Variants in TAFA4 observed in about 807,000 individuals in gnomAD.
The protein encoded by TAFA4 is chemokine-like protein TAFA-4.
Under a neutral mutation model 21.1 loss-of-function variants are expected in TAFA4, and 20 were observed. The ratio of observed to expected loss-of-function variants is 0.95; its 90% CI spans 0.67 to 1.38. The LOEUF (loss-of-function observed/expected upper bound fraction) is 1.38. Among genes scored for constraint, TAFA4 ranks in the 40% most tolerant of loss-of-function variants. The pLI, the probability that TAFA4 is intolerant of heterozygous loss-of-function variation, is 0.00. For synonymous variants in TAFA4, 71 were observed against 67.4 expected (o/e 1.05, Z -0.26); for missense variants, 211 against 180.9 (o/e 1.17, Z -0.95).
At chr3:68,870,291 T>C (rs2089467876) in intron 3 of TAFA4, among the ~76,000 whole-genome samples, 1 of 152,102 alleles carries the variant, frequency 6.6e-6, no homozygotes, top group Admixed American at 6.6e-5. Flanking sequence ...GGTCTATAGA[T>C]TCAATGCAAT....
chr3:68,836,572 T>C (rs1704527464), intron 3 of TAFA4, among the ~76,000 whole-genome samples: 1 of 152,218 alleles, frequency 6.6e-6, no homozygotes, highest in Non-Finnish European at 1.5e-5. Flanking sequence ...AAAATAACCA[T>C]TCATTCAATA....
intron 3 of TAFA4, among the ~76,000 whole-genome samples, chr3:68,842,339 T>C (rs1444450725): frequency 3.3e-5 from 5 of 152,046 alleles, no homozygotes; most frequent in Admixed American, 2.6e-4. Context: ...GCCACATCAA[T>C]GTCTTCTTTT....
At chr3:68,853,708 A>G (rs1216346605) in intron 3 of TAFA4, among the ~76,000 whole-genome samples, 1 of 152,210 alleles carries the variant, frequency 6.6e-6, no homozygotes, top group East Asian at 1.9e-4. Flanking sequence ...TGCTAGAGGC[A>G]AAGAAAGGCA....
chr3:68,827,416 G>A (rs370491079), intron 3 of TAFA4, among the ~76,000 whole-genome samples: 24 of 152,072 alleles, frequency 1.6e-4, no homozygotes, highest in Non-Finnish European at 2.8e-4. Flanking sequence ...TGGGACTGTC[G>A]GGTCAAATGG....
At chr3:68,858,577 C>CGTGTGTGTGT (rs4065047) in intron 3 of TAFA4, among the ~76,000 whole-genome samples, 495 of 146,146 alleles carry the variant, frequency 3.4e-3, no homozygotes, top group African/African-American at 9.2e-3. Flanking sequence ...TTCCAAGTGA[C>CGTGTGTGTGT]GTGTGTGTGT....
chr3:68,904,997 G>A (rs918361620), intron 1 of TAFA4, among the ~76,000 whole-genome samples: 16 of 151,982 alleles, frequency 1.1e-4, no homozygotes, highest in African/African-American at 2.9e-4. Flanking sequence ...AACCAAATGC[G>A]GAATGTAAGC....
chr3:68,831,864 G>T (rs577757475), intron 3 of TAFA4, among the ~76,000 whole-genome samples: 1 of 152,084 alleles, frequency 6.6e-6, no homozygotes, highest in South Asian at 2.1e-4. Flanking sequence ...CATATTTCTT[G>T]GAGTCTTTGT....
At chr3:68,767,189 C>A (rs1702871357) in intron 3 of TAFA4, among the ~76,000 whole-genome samples, 1 of 151,996 alleles carries the variant, frequency 6.6e-6, no homozygotes, top group Non-Finnish European at 1.5e-5. Context: ...CTTTTATTTT[C>A]ATTAACACAA....
chr3:68,863,161 G>C (rs2089372470), intron 3 of TAFA4, among the ~76,000 whole-genome samples: 1 of 151,752 alleles, frequency 6.6e-6, no homozygotes, highest in Non-Finnish European at 1.5e-5. Flanking sequence ...AGGATCACTT[G>C]AGCCCGGGAA....
chr3:68,911,288 C>T (rs763065957), intron 1 of TAFA4, among the ~76,000 whole-genome samples: 1 of 152,166 alleles, frequency 6.6e-6, no homozygotes. Flanking sequence ...ATCATCTTCT[C>T]GTAAGGCAAA....
intron 3 of TAFA4, among the ~76,000 whole-genome samples, chr3:68,794,793 G>A (rs940414414): frequency 6.6e-6 from 1 of 151,822 alleles, no homozygotes; most frequent in Non-Finnish European, 1.5e-5. Context: ...CAACAATTCT[G>A]ATTCCCTTTA....
intron 3 of TAFA4, among the ~76,000 whole-genome samples, chr3:68,824,386 T>C (rs1232369439): frequency 6.6e-6 from 1 of 152,194 alleles, no homozygotes; most frequent in Admixed American, 6.5e-5. Flanking sequence ...CTGCCCATGT[T>C]GCTTGGCTGT....
chr3:68,801,044 A>C (rs1703567803), intron 3 of TAFA4, among the ~76,000 whole-genome samples: 1 of 152,180 alleles, frequency 6.6e-6, no homozygotes, highest in Admixed American at 6.5e-5. Context: ...TGGATGAAAA[A>C]GCCCATCATT....
chr3:68,909,518 A>T lies in TAFA4; in HGVS notation c.-123+22722T>A, dbSNP rs531614831. 2.8e-4 allele frequency among the ~76,000 whole-genome samples: 43 copies of T among 152,278 alleles called. No homozygotes were observed. The South Asian group carries it at 7.3e-3, about 26-fold the overall frequency. ...AGGAAACTGTCCAAATGGAACATAA[A>T]CACCTCAAAAGACTATGAATTCCCC... On this transcript the variant is annotated intron_variant, in intron 1 of 5. Transcript: ENST00000295569.
At chr3:68,818,111 A>T (rs1194308795) in intron 3 of TAFA4, among the ~76,000 whole-genome samples, 1 of 152,160 alleles carries the variant, frequency 6.6e-6, no homozygotes, top group Non-Finnish European at 1.5e-5. Flanking sequence ...TCTTAGCTAG[A>T]TCTTCTGGAT....
intron 3 of TAFA4, among the ~76,000 whole-genome samples, chr3:68,820,190 G>C (rs1575623759): frequency 6.6e-6 from 1 of 152,138 alleles, no homozygotes; most frequent in East Asian, 1.9e-4. Flanking sequence ...GGCGCAAAAA[G>C]ACAAATATTG....
At chr3:68,872,188 G>A (rs929938987) in intron 3 of TAFA4, among the ~76,000 whole-genome samples, 4 of 151,342 alleles carry the variant, frequency 2.6e-5, no homozygotes, top group Non-Finnish European at 5.9e-5. Flanking sequence ...AGCAAATGTG[G>A]TACATATATA....
At chr3:68,905,608 T>A (rs943775019) in intron 1 of TAFA4, among the ~76,000 whole-genome samples, 1 of 152,090 alleles carries the variant, frequency 6.6e-6, no homozygotes, top group African/African-American at 2.4e-5. Flanking sequence ...GGGATTGTCA[T>A]TTTCAGTTGG....
chr3:68,795,854 G>A (rs1703445201), intron 3 of TAFA4, among the ~76,000 whole-genome samples: 1 of 152,050 alleles, frequency 6.6e-6, no homozygotes, highest in African/African-American at 2.4e-5. Context: ...TCCTCTTTTG[G>A]GAAGACATTC....
Sources: gnomAD v4.1 joint callset for allele counts (sites outside exome capture counted in the v4.1 genomes callset) on GRCh38, gnomAD v4.1.1 for gene constraint, MANE v1.5 for transcripts, NCBI Gene and HGNC (gene_info 2026-07-23, HGNC 2026-07-21) for gene names.